The following PAM variants were observed in gnomAD, a reference collection of about 807,000 sequenced individuals.
The protein encoded by PAM is peptidylglycine alpha-amidating monooxygenase.
A neutral mutation model predicts 122.1 loss-of-function variants in PAM; 72 were observed. The observed-to-expected ratio is 0.59, with a 90% CI of 0.49 to 0.72. The LOEUF (loss-of-function observed/expected upper bound fraction) is 0.72. Among genes scored for constraint, PAM ranks in the 30% least tolerant of loss-of-function variants. PAM has a pLI of 0.00. For missense variants in PAM, 1,106 were observed against 1,183.7 expected (o/e 0.93, Z 0.96); for synonymous variants, 389 against 404.4 (o/e 0.96, Z 0.46).
chr5:102,974,087 C>A, intron 14 of PAM, 29 bp from the exon 15 acceptor site: 1 of 1,542,718 alleles, frequency 6.5e-7, no homozygotes, highest in Non-Finnish European at 8.9e-7. Context: ...CTACCCTCCA[C>A]GCCCTTATCT....
intron 15 of PAM, among the ~76,000 whole-genome samples, chr5:102,981,683 G>T (rs114810688): frequency 1.3e-5 from 2 of 152,210 alleles, no homozygotes; most frequent in African/African-American, 4.8e-5. Flanking sequence ...CTCTGAGAAC[G>T]TGATGAAAGC....
Position 102,999,334 on chromosome 5 carries a change from G to A in PAM, c.1614-3699G>A, listed in dbSNP as rs1465799403. On this transcript the variant is annotated intron_variant, in intron 16 of 25. Coordinates refer to ENST00000438793, the MANE Select transcript of PAM (RefSeq NM_001177306.2). Reference sequence around the variant, plus strand: ...AAGAGGTGGGCTCCCACAGCCTTGGGCAGCTCCATCCCTGTGGCTGAGCAG... The same window carrying A: ...AAGAGGTGGGCTCCCACAGCCTTGGACAGCTCCATCCCTGTGGCTGAGCAG... Among the ~76,000 whole-genome samples the A allele has an allele frequency of 2.0e-5, 3 of 152,210 alleles. No homozygotes were observed. In the East Asian group the frequency reaches 5.8e-4, roughly 29 times the overall value.
At chr5:102,958,766 A>G (rs1366551856) in intron 12 of PAM, among the ~76,000 whole-genome samples, 1 of 151,842 alleles carries the variant, frequency 6.6e-6, no homozygotes, top group Non-Finnish European at 1.5e-5. Flanking sequence ...AAATATTTTT[A>G]TTTTTTTCCT....
chr5:102,985,103 T>C (rs1281326131), intron 15 of PAM, among the ~76,000 whole-genome samples: 1 of 152,040 alleles, frequency 6.6e-6, no homozygotes, highest in Non-Finnish European at 1.5e-5. Context: ...GGGGAGTTTG[T>C]AGCAGTAAAT....
At chr5:102,844,100 T>C (rs887680909) in intron 1 of PAM, among the ~76,000 whole-genome samples, 4 of 152,218 alleles carry the variant, frequency 2.6e-5, no homozygotes, top group African/African-American at 9.6e-5. Flanking sequence ...AGTACATCTG[T>C]ACTATGTAAG....
Position 103,005,138 on chromosome 5 carries a change from T to C in PAM, c.1731-16T>C. 4 of 1,474,968 alleles carry C rather than the reference T, an allele frequency of 2.7e-6. No homozygotes were observed. The highest frequency in any genetic ancestry group is 3.8e-6 in the Non-Finnish European group (4 of 1,054,424). The allele number at this position is 1,474,968 out of a possible 1,614,324, so 91.4% of individuals were successfully genotyped here. On this transcript the variant is annotated splice_polypyrimidine_tract_variant and intron_variant, in intron 17 of 25. Coordinates refer to ENST00000438793, the MANE Select transcript of PAM (RefSeq NM_001177306.2). ...AGAGTAAATGTGTAATTAACACAAA[T>C]ATTTTTATTTTGCAGGTTTTACTTG... is the stretch of plus-strand genomic sequence containing the variant.
chr5:103,005,252 A>T (rs1384557395), intron 18 of PAM, 26 bp downstream of exon 18: 2 of 995,394 alleles, frequency 2.0e-6, no homozygotes, highest in Non-Finnish European at 3.2e-6. Context: ...GTAATATTCA[A>T]ATTAGAAGCT....
chr5:102,885,750 T>C (rs1189542673), intron 3 of PAM, among the ~76,000 whole-genome samples: 1 of 152,026 alleles, frequency 6.6e-6, no homozygotes, highest in Non-Finnish European at 1.5e-5. Flanking sequence ...AATACTGTTC[T>C]ACTATCTAAC....
chr5:102,863,709 T>C (rs1784760256), intron 1 of PAM, among the ~76,000 whole-genome samples: 1 of 150,748 alleles, frequency 6.6e-6, no homozygotes, highest in African/African-American at 2.4e-5. Context: ...AAATCTTAAA[T>C]AAGAATACTA....
chr5:102,974,555 T>C, intron 15 of PAM, 119 bp downstream of exon 15: 2 of 652,004 alleles, frequency 3.1e-6, no homozygotes, highest in Non-Finnish European at 5.1e-6. Context: ...GGACTTATCA[T>C]TAGAAAAAAA....
At chr5:102,800,798 T>C (rs1764511872) in intron 1 of PAM, among the ~76,000 whole-genome samples, 1 of 152,152 alleles carries the variant, frequency 6.6e-6, no homozygotes, top group South Asian at 2.1e-4. Context: ...TCTATCACCC[T>C]GGGCTTATCT....
At chr5:102,755,101 C>G (rs1325416396), upstream of PAM, 3 of 152,486 alleles carry the variant, frequency 2.0e-5, no homozygotes, top group Non-Finnish European at 2.9e-5. Flanking sequence ...GTGGAGGAGG[C>G]GAGCGCGGGG....
At chr5:102,826,942 TAA>T (rs982793677) in intron 1 of PAM, among the ~76,000 whole-genome samples, 3 of 152,364 alleles carry the variant, frequency 2.0e-5, no homozygotes, top group Admixed American at 2.0e-4. Flanking sequence ...GATGCTTTTA[TAA>T]GAGAATTTTT....
intron 20 of PAM, among the ~76,000 whole-genome samples, chr5:103,008,210 CTT>C (rs912253527): frequency 2.3e-4 from 33 of 145,628 alleles, no homozygotes; most frequent in African/African-American, 8.3e-4. Context: ...ATACATATAA[CTT>C]ATATTACAAA....
intron 1 of PAM, among the ~76,000 whole-genome samples, chr5:102,801,483 C>G (rs1449486510): frequency 6.6e-6 from 1 of 152,180 alleles, no homozygotes. Flanking sequence ...CAGAAGGAAT[C>G]GTAGCACTGT....
At chr5:102,881,311 T>C (rs925268835) in intron 3 of PAM, among the ~76,000 whole-genome samples, 4 of 151,980 alleles carry the variant, frequency 2.6e-5, no homozygotes, top group African/African-American at 9.7e-5. Flanking sequence ...AATATTAATG[T>C]AACAGAATGA....
rs111269486 is a variant in PAM at position 102,795,013 on chromosome 5, A to G, written c.-374+39665A>G. Among the ~76,000 whole-genome samples the G allele has an allele frequency of 3.7e-3, 561 of 151,832 alleles. 1 individual carries two copies. Among genetic ancestry groups the G allele is most frequent in the African/African-American group, 0.012 (503 of 41,394 alleles). On this transcript the variant is annotated intron_variant, in intron 1 of 25. Transcript: ENST00000438793. ...GAGACCAGCCTGGTCAACATAGGGA[A>G]ACCCCATCTCTACAAAAAATAAAAA...
intron 7 of PAM, among the ~76,000 whole-genome samples, chr5:102,930,577 A>C (rs1751137260): frequency 6.6e-6 from 1 of 152,204 alleles, no homozygotes; most frequent in Non-Finnish European, 1.5e-5. Context: ...AGTGGCAAGA[A>C]ATTAGAAGAG....
intron 7 of PAM, among the ~76,000 whole-genome samples, chr5:102,935,441 G>T (rs1193440817): frequency 6.6e-6 from 1 of 152,050 alleles, no homozygotes; most frequent in Non-Finnish European, 1.5e-5. Context: ...ATACTCTAAT[G>T]TGTGTATCTT....
Sources: allele counts gnomAD v4.1 joint callset (sites outside exome capture counted in the v4.1 genomes callset), GRCh38; gene constraint gnomAD v4.1.1; transcripts MANE v1.5; gene names NCBI Gene and HGNC (gene_info 2026-07-23, HGNC 2026-07-21).